The following NAGA variants were observed in gnomAD, a reference collection of about 807,000 sequenced individuals.
NAGA encodes alpha-N-acetylgalactosaminidase.
NAGA carries 42 observed loss-of-function variants against 45.6 expected under a neutral mutation model. The observed-to-expected ratio is 0.92, with a 90% CI of 0.72 to 1.19. The LOEUF (loss-of-function observed/expected upper bound fraction) is 1.19. Ranked by LOEUF, NAGA falls within the 50% of genes most tolerant of loss-of-function variation. The pLI is 0.00. For synonymous variants in NAGA, 176 were observed against 203.1 expected (o/e 0.87, Z 1.13); for missense variants, 493 against 544.8 (o/e 0.90, Z 0.95).
chr22:42,068,001 T>C (rs1926846863), intron 2 of NAGA, 65 bp from the exon 3 acceptor site: 1 of 1,460,990 alleles, frequency 6.8e-7, no homozygotes, highest in East Asian at 2.3e-5. Context: ...ACACCCTGCC[T>C]CAGCTCTGAT....
At chr22:42,066,179 C>G (rs1926719074) in intron 5 of NAGA, among the ~76,000 whole-genome samples, 1 of 152,154 alleles carries the variant, frequency 6.6e-6, no homozygotes, top group African/African-American at 2.4e-5. Flanking sequence ...GCTGGTGCAC[C>G]CACAAACAAC....
At chr22:42,064,204 G>A (rs1265846969) in intron 6 of NAGA, among the ~76,000 whole-genome samples, 3 of 151,984 alleles carry the variant, frequency 2.0e-5, no homozygotes, top group Non-Finnish European at 4.4e-5. Flanking sequence ...GCCAGGCGTG[G>A]TGGCGCATGC....
Position 42,067,835 on chromosome 22 carries a change from C to T in NAGA, c.254G>A (p.Arg85His), listed in dbSNP as rs760126449. ...CGGCATCAGGCGGCCACTGGCATCG[C>T]GACCACCGATCCAGCAGTCATCAAT... ...LNIDDCWIGG[R>H]DASGRLMPDP... The change falls in exon 3 of 9, where the codon CGC becomes CAC. Residue 85 changes from arginine to histidine, a missense_variant. By Grantham distance (29) the Arg-to-His change is conservative. Coordinates refer to ENST00000396398, the MANE Select transcript of NAGA (RefSeq NM_000262.3). The T allele has an allele frequency of 3.7e-6, 6 of 1,612,442 alleles. No homozygotes were observed. Among genetic ancestry groups the T allele is most frequent in the Non-Finnish European group, 5.1e-6 (6 of 1,179,894 alleles).
At position 42,060,466 on chromosome 22, in the gene NAGA, ACCCCC is replaced by A. The variant is rs138095593; in HGVS notation, c.1102-58_1102-54del. On this transcript the variant is annotated intron_variant, in intron 8 of 8. Transcript: ENST00000396398. The stretch of plus-strand genomic sequence containing the variant: ...CCACCATGAGAGTGGCGGCACAGAG[ACCCCC>A]CCCGCTAGAGGATGTAGAAGCCTTC... 3.8e-6 allele frequency: 6 copies of A among 1,599,376 alleles called. No individual in the cohort carries two copies. The African/African-American group carries it at 8.2e-5, about 22-fold the overall frequency.
chr22:42,061,025 T>G lies in NAGA; in HGVS notation c.1000A>C (p.Lys334Gln), dbSNP rs1177178341. The change falls in exon 8 of 9, where the codon AAG (lysine) becomes CAG (glutamine). Residue 334 changes from lysine (K) to glutamine (Q), a missense_variant. Coordinates refer to ENST00000396398, the MANE Select transcript of NAGA (RefSeq NM_000262.3). ...CTGAAGAAGACTAAGGCGCTAGCCT[T>G]GTTGGACAGAGGCCGCATGTACACT... ...IEVYMRPLSNKASALVFFSCR... is the reference protein window; with the variant it reads ...IEVYMRPLSNQASALVFFSCR... 5 of 1,614,148 alleles carry G rather than the reference T, an allele frequency of 3.1e-6. No individual in the cohort carries two copies. Among genetic ancestry groups the G allele is most frequent in the Non-Finnish European group, 4.2e-6 (5 of 1,180,028 alleles).
chr22:42,060,294 C>A lies in NAGA; in HGVS notation c.1221G>T (p.Glu407Asp). Residue 407 changes from glutamate (E) to aspartate (D), a missense_variant, in exon 9 of 9, where the codon GAG (glutamate) becomes GAT (aspartate). Physicochemically the swap from Glu to Asp is conservative, Grantham distance 45. Coordinates refer to ENST00000396398, the MANE Select transcript of NAGA (RefSeq NM_000262.3). Reference protein sequence around the residue: ...MWYLYPIKNLEMSQQ With the variant: ...MWYLYPIKNLDMSQQ ...TCCCAGCTCCTCACTGCTGGGACAT[C>A]TCCAGGTTCTTGATGGGATACAGGT... is the stretch of plus-strand genomic sequence containing the variant. The A allele has an allele frequency of 6.2e-7, 1 of 1,613,620 alleles. No homozygotes were observed. The highest frequency in any genetic ancestry group is 8.5e-7 in the Non-Finnish European group (1 of 1,179,992).
At chr22:42,066,849 G>C (rs1569458380) in intron 4 of NAGA, 45 bp from the exon 5 acceptor site, 2 of 1,555,728 alleles carry the variant, frequency 1.3e-6, no homozygotes, top group East Asian at 4.7e-5. Context: ...AGTGCAGGAG[G>C]CAGTCTGGGG....
At chr22:42,069,013 C>T (rs1304931758) in intron 1 of NAGA, among the ~76,000 whole-genome samples, 2 of 152,178 alleles carry the variant, frequency 1.3e-5, no homozygotes, top group Admixed American at 1.3e-4. Flanking sequence ...AATCCCAACG[C>T]TCTGGAAGGC....
At position 42,064,531 on chromosome 22, in the gene NAGA, G is replaced by C. The variant is rs1173526485; in HGVS notation, c.759+1207C>G. Among the ~76,000 whole-genome samples, 18 of 149,748 alleles carry C rather than the reference G, an allele frequency of 1.2e-4. No individual in the cohort carries two copies. The Admixed American group carries it at 1.2e-3, about 10-fold the overall frequency. On this transcript the variant is annotated intron_variant, in intron 6 of 8. Coordinates refer to ENST00000396398, the MANE Select transcript of NAGA (RefSeq NM_000262.3). ...GTCATAGCAGGCGCCTGTAATCCCA[G>C]CTACTCGGGCGGTTGAGGCAGGAGA...
Position 42,060,388 on chromosome 22 carries a change from A to G in NAGA, c.1127T>C (p.Ile376Thr). The G allele has an allele frequency of 6.2e-7, 1 of 1,613,348 alleles. No individual in the cohort carries two copies. Among genetic ancestry groups the G allele is most frequent in the Non-Finnish European group, 8.5e-7 (1 of 1,179,952 alleles). ...YEAQDVYSGD[I>T]ISGLRDETNF... ...GGTTTCATCTCGGAGGCCACTGATGATGTCACCTGAGTAGACGTCCTGGGC... is the reference window on the plus strand; with the variant it reads ...GGTTTCATCTCGGAGGCCACTGATGGTGTCACCTGAGTAGACGTCCTGGGC... Residue 376 changes from isoleucine to threonine, a missense_variant, in exon 9 of 9, where the codon ATC becomes ACC. By Grantham distance (89) the Ile-to-Thr change is moderately conservative. Coordinates refer to ENST00000396398, the MANE Select transcript of NAGA (RefSeq NM_000262.3).
rs182849477 is a variant in NAGA at position 42,067,423 on chromosome 22, C to T, written c.325-133G>A. ...AGGAGATGGTCCCAGCATGCTGGCC[C>T]GGCCTCTGCCCATGATGGCCCACCT... On this transcript the variant is annotated intron_variant, in intron 3 of 8. Transcript: ENST00000396398. 1.9e-4 allele frequency: 215 copies of T among 1,155,314 alleles called. 1 individual carries two copies. In the East Asian group the frequency reaches 4.3e-3, roughly 23 times the overall value. 71.6% of individuals were successfully genotyped at this position (1,155,314 alleles called of 1,614,324 possible).
chr22:42,065,018 A>G (rs973761381), intron 6 of NAGA, among the ~76,000 whole-genome samples: 1 of 152,188 alleles, frequency 6.6e-6, no homozygotes, highest in Admixed American at 6.5e-5. Flanking sequence ...CAACCCTATA[A>G]GGTAGCTACT....
chr22:42,067,988 C>T (rs1202040794), intron 2 of NAGA, 52 bp from the exon 3 acceptor site: 1 of 1,535,448 alleles, frequency 6.5e-7, no homozygotes, highest in Non-Finnish European at 9.0e-7. Flanking sequence ...CCGGCCCTCA[C>T]CCACACCCTG....
rs374984089 is a variant in NAGA at position 42,066,758 on chromosome 22, G to A, written c.549C>T (p.Ile183=). ...AGGCTGGCCAGCTGCAGGAGAAGGC[G>A]ATGGGGCGGCCTGTGGCATTCAGGG... ...AAALNATGRP[I]AFSCSWPAYE... Residue 183 remains isoleucine, a synonymous_variant, in exon 5 of 9, where the codon ATC becomes ATT. Transcript: ENST00000396398. 5 of 1,607,336 alleles carry A rather than the reference G, an allele frequency of 3.1e-6. No homozygotes were observed. Among genetic ancestry groups the A allele is most frequent in the East Asian group, 4.5e-5 (2 of 44,620 alleles).
chr22:42,067,255 C>T lies in NAGA; in HGVS notation c.360G>A (p.Ala120=), dbSNP rs149600926. ...CCATGCAGGTGAAGTTGCCCATGTC[C>T]GCGTAGATACCCAACTTCAGGCCCA... The part of the protein sequence containing the change: ...HSLGLKLGIY[A]DMGNFTCMGY... Residue 120 remains alanine (A), a synonymous_variant, in exon 4 of 9, where the codon GCG becomes GCA. Transcript: ENST00000396398. 3.5e-4 allele frequency: 568 copies of T among 1,614,126 alleles called. No individual in the cohort carries two copies. The highest frequency in any genetic ancestry group is 4.4e-4 in the Non-Finnish European group (517 of 1,180,018).
At chr22:42,068,703 C>G (rs1926889657) in intron 1 of NAGA, 129 bp from the exon 2 acceptor site, 1 of 1,326,508 alleles carries the variant, frequency 7.5e-7, no homozygotes, top group African/African-American at 1.5e-5. Context: ...AAACTGGACT[C>G]CTGGGTTTAG....
intron 5 of NAGA, among the ~76,000 whole-genome samples, 161 bp from the exon 6 acceptor site, chr22:42,066,060 G>A (rs930418003): frequency 1.3e-5 from 2 of 152,076 alleles, no homozygotes; most frequent in African/African-American, 4.8e-5. Flanking sequence ...GGCCTCAGAG[G>A]GTGGCCCTGC....
chr22:42,060,898 G>A (rs1364814041), intron 8 of NAGA, 26 bp downstream of exon 8: 19 of 1,613,926 alleles, frequency 1.2e-5, no homozygotes, highest in Non-Finnish European at 1.6e-5. Flanking sequence ...GCCCAGGCGG[G>A]TGGCTGCAGG....
intron 8 of NAGA, 94 bp downstream of exon 8, chr22:42,060,830 C>A: frequency 1.9e-6 from 3 of 1,555,416 alleles, no homozygotes; most frequent in Non-Finnish European, 2.7e-6. Flanking sequence ...GCCCACGGCT[C>A]AGGGGAGGCC....
Sources: gnomAD v4.1 joint callset for allele counts (sites outside exome capture counted in the v4.1 genomes callset) on GRCh38, gnomAD v4.1.1 for gene constraint, MANE v1.5 for transcripts, NCBI Gene and HGNC (gene_info 2026-07-23, HGNC 2026-07-21) for gene names.